TNFAIP8: variants seen among roughly 807,000 people sequenced by gnomAD.
TNFAIP8 encodes TNF alpha induced protein 8.
In TNFAIP8, 7 loss-of-function variants were observed where a neutral mutation model predicts 13.3. That is an observed-to-expected ratio of 0.52 (90% CI 0.30 to 0.99). The LOEUF is 0.99. Ranked by LOEUF, TNFAIP8 falls within the 50% of genes least tolerant of loss-of-function variation. The pLI is 0.07. For missense variants in TNFAIP8, 258 were observed against 236.9 expected (o/e 1.09, Z -0.58); for synonymous variants, 94 against 87.6 (o/e 1.07, Z -0.41).
intron 1 of TNFAIP8, among the ~76,000 whole-genome samples, chr5:119,314,372 C>T (rs1042611210): frequency 1.3e-5 from 2 of 152,136 alleles, no homozygotes; most frequent in Admixed American, 6.5e-5. Context: ...CAGGTTTTCC[C>T]GGATATGTTC....
chr5:119,309,630 A>G (rs985785168), intron 1 of TNFAIP8, among the ~76,000 whole-genome samples: 21 of 152,208 alleles, frequency 1.4e-4, no homozygotes, highest in African/African-American at 4.6e-4. Context: ...TGATCGAAGC[A>G]TCGGTGTTCA....
chr5:119,361,768 A>C (rs1476405463), intron 1 of TNFAIP8, among the ~76,000 whole-genome samples: 1 of 152,202 alleles, frequency 6.6e-6, no homozygotes, highest in Non-Finnish European at 1.5e-5. Flanking sequence ...CATGTGGCCT[A>C]CGCAGCCAGG....
chr5:119,273,023 A>G (rs902893272), intron 1 of TNFAIP8, among the ~76,000 whole-genome samples: 1 of 152,218 alleles, frequency 6.6e-6, no homozygotes, highest in African/African-American at 2.4e-5. Flanking sequence ...TTCCACTTGT[A>G]GTTTCCTTAA....
chr5:119,332,386 G>A (rs1002012624), intron 1 of TNFAIP8, among the ~76,000 whole-genome samples: 4 of 152,066 alleles, frequency 2.6e-5, no homozygotes, highest in Admixed American at 6.5e-5. Flanking sequence ...TAACTTGCAC[G>A]TATACACAAC....
chr5:119,308,246 A>G (rs532316436), intron 1 of TNFAIP8, among the ~76,000 whole-genome samples: 1 of 152,268 alleles, frequency 6.6e-6, no homozygotes, highest in South Asian at 2.1e-4. Context: ...GTTTTCCAGA[A>G]GTCTGCCGCC....
chr5:119,275,342 C>A (rs750870421), intron 1 of TNFAIP8, among the ~76,000 whole-genome samples: 2 of 152,110 alleles, frequency 1.3e-5, no homozygotes, highest in Non-Finnish European at 2.9e-5. Context: ...ACTTGAGTCA[C>A]CAACAATGCT....
At chr5:119,345,590 A>C (rs1035019188) in intron 1 of TNFAIP8, among the ~76,000 whole-genome samples, 1 of 152,250 alleles carries the variant, frequency 6.6e-6, no homozygotes. Context: ...ATGTTAAGTG[A>C]GATAAGCCAT....
intron 1 of TNFAIP8, among the ~76,000 whole-genome samples, chr5:119,380,252 A>G (rs1306555710): frequency 6.6e-5 from 10 of 152,208 alleles, no homozygotes; most frequent in Admixed American, 6.5e-4. Flanking sequence ...AATCAACTGT[A>G]AGTTTTCTTG....
chr5:119,313,278 A>C (rs1749789337), intron 1 of TNFAIP8, among the ~76,000 whole-genome samples: 1 of 152,220 alleles, frequency 6.6e-6, no homozygotes, highest in Non-Finnish European at 1.5e-5. Context: ...TTAAAAGCCC[A>C]CTTTTTGAAA....
intron 1 of TNFAIP8, among the ~76,000 whole-genome samples, chr5:119,330,949 C>T (rs1750357731): frequency 6.6e-6 from 1 of 152,050 alleles, no homozygotes; most frequent in South Asian, 2.1e-4. Context: ...AGAGTTGTGC[C>T]CACCAAGAAA....
intron 1 of TNFAIP8, among the ~76,000 whole-genome samples, chr5:119,362,930 G>A (rs1751690131): frequency 6.6e-6 from 1 of 152,298 alleles, no homozygotes; most frequent in African/African-American, 2.4e-5. Context: ...TGAGTATAAG[G>A]AGCCTCGCCA....
At chr5:119,278,229 A>G (rs1748516017) in intron 1 of TNFAIP8, among the ~76,000 whole-genome samples, 1 of 152,110 alleles carries the variant, frequency 6.6e-6, no homozygotes, top group Admixed American at 6.6e-5. Flanking sequence ...GACCAGTTCT[A>G]TCTATTCTCA....
intron 1 of TNFAIP8, among the ~76,000 whole-genome samples, chr5:119,275,312 TTCA>T (rs2150800400): frequency 6.6e-6 from 1 of 152,284 alleles, no homozygotes; most frequent in Admixed American, 6.5e-5. Flanking sequence ...CTGCCCAGTG[TTCA>T]TTAGTTGAAA....
rs150662347 is a variant in TNFAIP8, at chr5:119,315,038, C to T, written c.1+46131C>T. 1.2e-3 allele frequency among the ~76,000 whole-genome samples: 180 copies of T among 151,108 alleles called. 1 individual carries two copies. The highest frequency in any genetic ancestry group is 4.1e-3 in the African/African-American group (167 of 40,472). On this transcript the variant is annotated intron_variant, in intron 1 of 1. Transcript: ENST00000274456. ...CTGGGATCACAGGCACTCACCACTA[C>T]GCCCGGCTAATTTTTGTGTGTGTGT... is the stretch of plus-strand genomic sequence containing the variant.
chr5:119,380,512 G>A (rs562923457), intron 1 of TNFAIP8, among the ~76,000 whole-genome samples: 3 of 152,318 alleles, frequency 2.0e-5, no homozygotes, highest in South Asian at 4.1e-4. Flanking sequence ...CTACATTCTG[G>A]TAGATGATTG....
chr5:119,321,354 A>G (rs192861189), intron 1 of TNFAIP8, among the ~76,000 whole-genome samples: 47 of 152,306 alleles, frequency 3.1e-4, no homozygotes, highest in Non-Finnish European at 6.5e-4. Flanking sequence ...ATACCAGCAT[A>G]CAGCCAAGAT....
intron 1 of TNFAIP8, among the ~76,000 whole-genome samples, chr5:119,292,080 T>C (rs1749005645): frequency 6.6e-6 from 1 of 152,068 alleles, no homozygotes; most frequent in African/African-American, 2.4e-5. Flanking sequence ...CCAGGAAGGC[T>C]CAGAAATGAG....
chr5:119,336,208 A>C (rs1232530187), intron 1 of TNFAIP8, among the ~76,000 whole-genome samples: 1 of 152,186 alleles, frequency 6.6e-6, no homozygotes, highest in Non-Finnish European at 1.5e-5. Flanking sequence ...GATTTAGTCC[A>C]ATCTTCTCAT....
rs552907659 is a variant in TNFAIP8, at chr5:119,364,112, C to T, written c.31+7991C>T. On this transcript the variant is annotated intron_variant, in intron 1 of 1. Coordinates refer to ENST00000504771, the MANE Select transcript of TNFAIP8 (RefSeq NM_014350.4). ...GGCCATTGGTGATTAAACTCAGTCT[C>T]CAGCCCGTCTCCCCTGCCCAGAGTG... Among the ~76,000 whole-genome samples, 6 of 152,280 alleles carry T rather than the reference C, an allele frequency of 3.9e-5. 1 individual carries two copies. The South Asian group carries it at 1.2e-3, about 32-fold the overall frequency.
Sources: allele counts gnomAD v4.1 joint callset (sites outside exome capture counted in the v4.1 genomes callset), GRCh38; gene constraint gnomAD v4.1.1; transcripts MANE v1.5; gene names NCBI Gene and HGNC (gene_info 2026-07-23, HGNC 2026-07-21).